MEGF11: variants seen among roughly 807,000 people sequenced by gnomAD.
MEGF11 encodes multiple EGF like domains 11, also known as multiple epidermal growth factor-like domains protein 11.
A neutral mutation model predicts 146.6 loss-of-function variants in MEGF11; 126 were observed. The observed-to-expected ratio is 0.86, with a 90% CI of 0.74 to 1.00. The LOEUF (loss-of-function observed/expected upper bound fraction) is 1.00, where lower values mean the gene tolerates loss of function less well. Among genes scored for constraint, MEGF11 ranks in the 50% least tolerant of loss-of-function variants. The pLI is 0.00. For missense variants in MEGF11, 1,509 were observed against 1,521.2 expected, an observed-to-expected ratio of 0.99 and a Z score of 0.13; for synonymous variants, 532 against 583.4, an observed-to-expected ratio of 0.91 and a Z score of 1.27.
chr15:66,134,615 C>T (rs2088808080), intron 1 of MEGF11, among the ~76,000 whole-genome samples: 2 of 152,368 alleles, frequency 1.3e-5, no homozygotes, highest in South Asian at 4.1e-4. Context: ...AAGTCAGCCT[C>T]CCAGGGCCCT....
chr15:66,140,484 G>T (rs1258535310), intron 1 of MEGF11, among the ~76,000 whole-genome samples: 1 of 152,158 alleles, frequency 6.6e-6, no homozygotes, highest in Non-Finnish European at 1.5e-5. Flanking sequence ...GGGCCCATGA[G>T]GTACTAACCC....
rs1345880007 is a variant in MEGF11 at position 65,982,816 on chromosome 15, C to G, written c.395-328G>C. Among the ~76,000 whole-genome samples, 1 of 152,160 alleles carries G rather than the reference C, an allele frequency of 6.6e-6. No homozygotes were observed. Among genetic ancestry groups the G allele is most frequent in the Non-Finnish European group, 1.5e-5 (1 of 68,034 alleles). On this transcript the variant is annotated intron_variant, in intron 5 of 25. Transcript: ENST00000395614. This position sits in a 1 kb window ranked among gnomAD's most constrained non-coding sequence, Gnocchi z 5.6. ...TGTATTGAAATTCCGGAGCCACAAG[C>G]TGTTTACATCCCTCTTTGCTAAGCT...
chr15:66,119,096 G>T lies in MEGF11; in HGVS notation c.291C>A (p.Asp97Glu). The T allele has an allele frequency of 6.5e-7, 1 of 1,550,254 alleles. No homozygotes were observed. Among genetic ancestry groups the T allele is most frequent in the Non-Finnish European group, 8.7e-7 (1 of 1,146,388 alleles). ...GCAGCCCCTACATACGTATGCAGAA[G>T]TCTCCGCTCTCATAGTAGCCAGGGC... ...QCCPGYYESG[D>E]FCIPLCTEEC... is the part of the protein sequence containing the mutation. Residue 97 changes from aspartate to glutamate, a missense_variant, in exon 4 of 26, where the codon GAC becomes GAA. Transcript: ENST00000395614.
At chr15:66,239,781 G>C (rs2092171845) in intron 1 of MEGF11, among the ~76,000 whole-genome samples, 1 of 152,254 alleles carries the variant, frequency 6.6e-6, no homozygotes, top group African/African-American at 2.4e-5. Flanking sequence ...CCATGCCACA[G>C]GGCATGGGAT....
At chr15:66,055,588 T>C (rs577070170) in intron 5 of MEGF11, among the ~76,000 whole-genome samples, 1 of 152,336 alleles carries the variant, frequency 6.6e-6, no homozygotes, top group East Asian at 1.9e-4. Context: ...GCATAGAGCA[T>C]TTGGAAAACA....
At chr15:65,991,380 G>A (rs2082039686) in intron 5 of MEGF11, among the ~76,000 whole-genome samples, 1 of 152,180 alleles carries the variant, frequency 6.6e-6, no homozygotes, top group Non-Finnish European at 1.5e-5. Flanking sequence ...TGTGAGATGT[G>A]ATTATGATTC....
At chr15:66,043,784 T>A (rs1185999914) in intron 5 of MEGF11, among the ~76,000 whole-genome samples, 1 of 152,094 alleles carries the variant, frequency 6.6e-6, no homozygotes, top group Non-Finnish European at 1.5e-5. Flanking sequence ...CACTGGGGAA[T>A]TGAAGATGAA....
At chr15:65,908,930 GT>G (rs2078710011) in intron 23 of MEGF11, 103 bp downstream of exon 23, 1 of 693,356 alleles carries the variant, frequency 1.4e-6, no homozygotes, top group African/African-American at 1.8e-5. Context: ...AAAAGGGAGA[GT>G]TCTGGGACCA....
chr15:66,112,000 C>A (rs1051699711), intron 4 of MEGF11, among the ~76,000 whole-genome samples: 1 of 147,150 alleles, frequency 6.8e-6, no homozygotes, highest in South Asian at 2.1e-4. Context: ...GAGTGCCCGA[C>A]AAGAAAATGT....
At chr15:65,904,135 C>G (rs2078562664) in intron 24 of MEGF11, among the ~76,000 whole-genome samples, 1 of 152,194 alleles carries the variant, frequency 6.6e-6, no homozygotes, top group Admixed American at 6.5e-5. Flanking sequence ...TACAGGACAA[C>G]ACAGTGCATA....
chr15:66,102,433 CTTT>C (rs753433380), intron 4 of MEGF11, among the ~76,000 whole-genome samples: 6 of 130,324 alleles, frequency 4.6e-5, no homozygotes, highest in East Asian at 2.2e-4. Flanking sequence ...TAAACATTTT[CTTT>C]TTTTTTTTTT....
At chr15:65,980,695 G>GC in intron 7 of MEGF11, 83 bp downstream of exon 7, 1 of 1,448,652 alleles carries the variant, frequency 6.9e-7, no homozygotes, top group Non-Finnish European at 9.1e-7. Flanking sequence ...ACCATGCCCG[G>GC]CTAGTTTAGC....
chr15:66,154,238 T>C (rs1003046663), intron 1 of MEGF11, among the ~76,000 whole-genome samples: 1 of 152,218 alleles, frequency 6.6e-6, no homozygotes, highest in Admixed American at 6.5e-5. Context: ...AGAGCAATTT[T>C]CCACATCAGT....
In MEGF11 at chr15:66,008,450, C is replaced by A. The variant is rs545320769; in HGVS notation, c.395-25962G>T. On this transcript the variant is annotated intron_variant, in intron 5 of 25. Coordinates refer to ENST00000395614, the MANE Select transcript of MEGF11 (RefSeq NM_001385028.1). ...ACACACACACACACACACACACACA[C>A]AAAATTACAGCCTAGTCTAACTCCC... Among the ~76,000 whole-genome samples, 1,133 of 151,632 alleles carry A rather than the reference C, an allele frequency of 7.5e-3. 18 individuals are homozygous for A. The highest frequency in any genetic ancestry group is 0.027 in the African/African-American group (1,098 of 41,162).
intron 8 of MEGF11, among the ~76,000 whole-genome samples, chr15:65,966,625 G>C (rs146654513): frequency 1.2e-4 from 18 of 152,258 alleles, no homozygotes; most frequent in African/African-American, 4.3e-4. Context: ...CTTGGAAGAA[G>C]GTCCCCTCAA....
intron 24 of MEGF11, among the ~76,000 whole-genome samples, chr15:65,903,913 A>G (rs1419739374): frequency 6.6e-6 from 1 of 152,178 alleles, no homozygotes; most frequent in African/African-American, 2.4e-5. Flanking sequence ...ATTTGCTTAC[A>G]TAGCTCTCTT....
chr15:66,129,623 G>A (rs2088556246), intron 1 of MEGF11, among the ~76,000 whole-genome samples: 2 of 152,136 alleles, frequency 1.3e-5, no homozygotes, highest in African/African-American at 2.4e-5. Context: ...CCCTGGGTTC[G>A]CAGATGAGGA....
chr15:66,202,153 CACACAT>C (rs1597149532), intron 1 of MEGF11, among the ~76,000 whole-genome samples: 3 of 136,226 alleles, frequency 2.2e-5, no homozygotes, highest in African/African-American at 7.9e-5. Context: ...GTGATACACA[CACACAT>C]ACTCATCACA....
At chr15:66,118,361 G>A (rs892700270) in intron 4 of MEGF11, among the ~76,000 whole-genome samples, 1 of 152,192 alleles carries the variant, frequency 6.6e-6, no homozygotes, top group African/African-American at 2.4e-5. Context: ...CTGCTCCGGG[G>A]TGCCTCCACT....
Sources: gnomAD v4.1 joint callset for allele counts (sites outside exome capture counted in the v4.1 genomes callset) on GRCh38, gnomAD v4.1.1 for gene constraint, Gnocchi (gnomAD v3.1) non-coding constraint, MANE v1.5 for transcripts, NCBI Gene and HGNC (gene_info 2026-07-23, HGNC 2026-07-21) for gene names.